The following SEMA5A variants were observed in gnomAD, a reference collection of about 807,000 sequenced individuals.
SEMA5A encodes semaphorin 5A.
Under a neutral mutation model 135.5 loss-of-function variants are expected in SEMA5A, and 55 were observed. The observed-to-expected ratio is 0.41, with a 90% CI of 0.33 to 0.51. The LOEUF (loss-of-function observed/expected upper bound fraction) is 0.51. Ranked by LOEUF, SEMA5A falls within the 20% of genes least tolerant of loss-of-function variation. The pLI, the probability that SEMA5A is intolerant of heterozygous loss-of-function variation, is 0.37. For synonymous variants in SEMA5A, 580 were observed against 546.5 expected, an observed-to-expected ratio of 1.06 and a Z score of -0.85; for missense variants, 1,290 against 1,419.9, an observed-to-expected ratio of 0.91 and a Z score of 1.47.
chr5:9,450,212 G>A (rs1196864998), intron 1 of SEMA5A, among the ~76,000 whole-genome samples: 1 of 152,188 alleles, frequency 6.6e-6, no homozygotes, highest in Non-Finnish European at 1.5e-5. Context: ...GAGAAGGGCT[G>A]CTCATGAACA....
chr5:9,141,462 G>A (rs1742061691), intron 12 of SEMA5A, among the ~76,000 whole-genome samples: 1 of 152,052 alleles, frequency 6.6e-6, no homozygotes, highest in African/African-American at 2.4e-5. Flanking sequence ...TTTCCATAAT[G>A]TGTTAATGAC....
At chr5:9,276,319 C>G (rs1750258910) in intron 5 of SEMA5A, among the ~76,000 whole-genome samples, 1 of 152,124 alleles carries the variant, frequency 6.6e-6, no homozygotes, top group Admixed American at 6.6e-5. Flanking sequence ...AGGACACAAA[C>G]AAATGGAAAA....
intron 1 of SEMA5A, among the ~76,000 whole-genome samples, chr5:9,543,532 C>T (rs1328576214): frequency 2.6e-5 from 4 of 152,138 alleles, no homozygotes; most frequent in Admixed American, 6.5e-5. Context: ...GCAGGGATCT[C>T]GCAGCTGTTT....
intron 12 of SEMA5A, among the ~76,000 whole-genome samples, chr5:9,145,630 A>G (rs1742286250): frequency 6.9e-6 from 1 of 145,310 alleles, no homozygotes; most frequent in South Asian, 2.2e-4. Flanking sequence ...AGTAGATATT[A>G]AAGAAGAAAA....
chr5:9,254,916 T>C (rs925847927), intron 5 of SEMA5A, among the ~76,000 whole-genome samples: 1 of 152,184 alleles, frequency 6.6e-6, no homozygotes, highest in Non-Finnish European at 1.5e-5. Context: ...CTGAATTCAA[T>C]AAGCTTGAAT....
chr5:9,172,669 C>A (rs180908705), intron 11 of SEMA5A, among the ~76,000 whole-genome samples: 4 of 152,286 alleles, frequency 2.6e-5, no homozygotes, highest in African/African-American at 9.6e-5. Context: ...TCAAATTCTA[C>A]CTGGCATAAC....
At chr5:9,124,452 C>T (rs1477899966) in intron 13 of SEMA5A, among the ~76,000 whole-genome samples, 3 of 152,088 alleles carry the variant, frequency 2.0e-5, no homozygotes, top group African/African-American at 7.2e-5. Context: ...TCTAAGCCTC[C>T]TGTTTTGGTT....
chr5:9,095,695 G>A (rs1016025857), intron 16 of SEMA5A, among the ~76,000 whole-genome samples: 8 of 152,182 alleles, frequency 5.3e-5, no homozygotes, highest in African/African-American at 9.6e-5. Flanking sequence ...GAGGCACTCC[G>A]ATGAAATAAT....
At chr5:9,172,232 G>C (rs1407778434) in intron 11 of SEMA5A, among the ~76,000 whole-genome samples, 2 of 152,016 alleles carry the variant, frequency 1.3e-5, no homozygotes, top group African/African-American at 2.4e-5. Context: ...ATGCTGCCTA[G>C]AGATATTAAA....
intron 3 of SEMA5A, among the ~76,000 whole-genome samples, chr5:9,366,716 T>C (rs1471003068): frequency 4.6e-5 from 7 of 152,190 alleles, no homozygotes; most frequent in South Asian, 2.1e-4. Context: ...GTGTTGTTGT[T>C]TGAGGATGAA....
intron 3 of SEMA5A, among the ~76,000 whole-genome samples, chr5:9,358,875 G>A (rs1228118429): frequency 6.6e-6 from 1 of 152,202 alleles, no homozygotes; most frequent in African/African-American, 2.4e-5. Context: ...GGAGGCTCTA[G>A]GTTGAGGCAT....
chr5:9,130,514 T>C (rs1741350738), intron 13 of SEMA5A, among the ~76,000 whole-genome samples: 1 of 152,160 alleles, frequency 6.6e-6, no homozygotes. Context: ...CAGCCTCTGA[T>C]AGGATGGGTG....
In SEMA5A at chr5:9,537,251, C is replaced by T. The variant is rs114309591; in HGVS notation, c.-175+8333G>A. ...GAGATTTTAAAATAAGGGAAAATTA[C>T]CTTGCTTTCTTAATCCTTCTGTTTC... On this transcript the variant is annotated intron_variant, in intron 1 of 22. Transcript: ENST00000382496. Among the ~76,000 whole-genome samples, 458 of 152,304 alleles carry T rather than the reference C, an allele frequency of 3.0e-3. 2 individuals carry two copies. The highest frequency in any genetic ancestry group is 0.011 in the African/African-American group (438 of 41,556).
At chr5:9,530,084 G>A (rs945936758) in intron 1 of SEMA5A, among the ~76,000 whole-genome samples, 8 of 152,340 alleles carry the variant, frequency 5.3e-5, no homozygotes, top group South Asian at 2.1e-4. Flanking sequence ...TGTGCGGGCC[G>A]CGTTAGGATG....
chr5:9,352,657 T>A (rs554746968), intron 3 of SEMA5A, among the ~76,000 whole-genome samples: 1 of 152,358 alleles, frequency 6.6e-6, no homozygotes, highest in African/African-American at 2.4e-5. Context: ...CAAATAATAT[T>A]GTGAATTTAG....
At chr5:9,206,773 T>A (rs1306536490) in intron 8 of SEMA5A, among the ~76,000 whole-genome samples, 1 of 151,664 alleles carries the variant, frequency 6.6e-6, no homozygotes, top group Non-Finnish European at 1.5e-5. Flanking sequence ...CTTGCCAAAG[T>A]CAGGCTGGAA....
Position 9,059,836 on chromosome 5 carries a change from C to A in SEMA5A, c.2518+3051G>T, listed in dbSNP as rs187047493. 2.6e-3 allele frequency among the ~76,000 whole-genome samples: 391 copies of A among 152,322 alleles called. 2 individuals carry two copies. The highest frequency in any genetic ancestry group is 4.4e-3 in the Non-Finnish European group (297 of 68,036). On this transcript the variant is annotated intron_variant, in intron 18 of 22. Transcript: ENST00000382496. ...AAGTGCTGGGATTACAAGTGTGAGC[C>A]TCCATGCCCGGCTGATTTATTTTCA...
chr5:9,182,329 C>T (rs373643177), intron 11 of SEMA5A, among the ~76,000 whole-genome samples: 9 of 152,096 alleles, frequency 5.9e-5, no homozygotes, highest in African/African-American at 9.7e-5. Context: ...TAATTGCACC[C>T]ATTCTCTCAC....
intron 5 of SEMA5A, among the ~76,000 whole-genome samples, chr5:9,313,283 G>C (rs1752227177): frequency 6.6e-6 from 1 of 152,126 alleles, no homozygotes; most frequent in Non-Finnish European, 1.5e-5. Context: ...GAATATATCA[G>C]TCAGGAGTTG....
Sources: allele counts gnomAD v4.1 joint callset (sites outside exome capture counted in the v4.1 genomes callset), GRCh38; gene constraint gnomAD v4.1.1; transcripts MANE v1.5; gene names NCBI Gene and HGNC (gene_info 2026-07-23, HGNC 2026-07-21).